Variants in FAT4 observed in about 807,000 individuals in gnomAD.
FAT4 encodes the protein FAT atypical cadherin 4.
A neutral mutation model predicts 303.9 loss-of-function variants in FAT4; 84 were observed. That is an observed-to-expected ratio of 0.28 (90% CI 0.23 to 0.33). FAT4 has a LOEUF of 0.33. Ranked by LOEUF, FAT4 falls within the 10% of genes least tolerant of loss-of-function variation. The pLI, the probability that FAT4 is intolerant of heterozygous loss-of-function variation, is 1.00. For synonymous variants in FAT4, 2,307 were observed against 2,298.8 expected (o/e 1.00, Z -0.10); for missense variants, 6,005 against 6,146.8 (o/e 0.98, Z 0.77).
intron 7 of FAT4, among the ~76,000 whole-genome samples, chr4:125,422,940 A>G (rs1250933018): frequency 6.6e-6 from 1 of 152,154 alleles, no homozygotes; most frequent in Non-Finnish European, 1.5e-5. Context: ...ACTTCTTGGA[A>G]ACTGGAGCAA....
rs1256469722 is a variant in FAT4, at chr4:125,319,441, T to G, written c.3030T>G (p.Pro1010=). 3 of 1,613,612 alleles carry G rather than the reference T, an allele frequency of 1.9e-6. No homozygotes were observed. Among genetic ancestry groups the G allele is most frequent in the African/African-American group, 1.3e-5 (1 of 74,940 alleles). Residue 1010 remains proline (P), a synonymous_variant, in exon 2 of 18, where the codon CCT becomes CCG. Transcript: ENST00000394329. ...SYEVTLSESE[P]VNSRFFKVQA... Reference sequence around the variant, plus strand: ...AAGTCACCCTTTCTGAGTCAGAACCTGTGAATTCTCGATTCTTTAAAGTAC... The same window carrying G: ...AAGTCACCCTTTCTGAGTCAGAACCGGTGAATTCTCGATTCTTTAAAGTAC...
chr4:125,459,905 G>A (rs1002311060), intron 10 of FAT4, among the ~76,000 whole-genome samples: 10 of 151,840 alleles, frequency 6.6e-5, no homozygotes, highest in African/African-American at 2.4e-4. Flanking sequence ...AGATAGACTT[G>A]CACAAAACAA....
rs187025161 is a variant in FAT4, at chr4:125,371,676, A to G, written c.5176-27108A>G. Among the ~76,000 whole-genome samples the G allele has an allele frequency of 4.2e-3, 629 of 151,530 alleles. 11 individuals carry two copies. The highest frequency in any genetic ancestry group is 2.7e-3 in the Non-Finnish European group (182 of 67,850). ...AAGTGGCTCTTTCATTGGAGTATCA[A>G]TTGTGGGGAGAGATTGAATATCCTC... On this transcript the variant is annotated intron_variant, in intron 2 of 17. Transcript: ENST00000394329.
intron 2 of FAT4, among the ~76,000 whole-genome samples, chr4:125,345,009 G>A (rs1731942593): frequency 6.6e-6 from 1 of 152,102 alleles, no homozygotes; most frequent in Admixed American, 6.6e-5. Context: ...GTTATTTGCA[G>A]ATTATTTCTG....
In FAT4 at chr4:125,490,320, C is replaced by A. The variant is rs766766148; in HGVS notation, c.13504C>A (p.Leu4502Met). The change falls in exon 18 of 18, where the codon CTG (leucine) becomes ATG (methionine). Residue 4502 changes from leucine (L) to methionine (M), a missense_variant. Transcript: ENST00000394329. The part of the protein sequence containing the change: ...VLSQGPEEIS[L>M]PLWAVPAIVG... ...GAGTCAGGGCCCTGAAGAGATCTCT[C>A]TGCCTTTGTGGGCTGTGCCTGCCAT... 9 of 1,614,046 alleles carry A rather than the reference C, an allele frequency of 5.6e-6. No homozygotes were observed. Among genetic ancestry groups the A allele is most frequent in the Non-Finnish European group, 6.8e-6 (8 of 1,180,044 alleles).
chr4:125,366,134 G>A (rs922207937), intron 2 of FAT4, among the ~76,000 whole-genome samples: 3 of 152,160 alleles, frequency 2.0e-5, no homozygotes, highest in African/African-American at 7.2e-5. Context: ...AAAGGTTGGG[G>A]ACTGCTGATA....
At chr4:125,355,855 T>C (rs974573442) in intron 2 of FAT4, among the ~76,000 whole-genome samples, 4 of 152,044 alleles carry the variant, frequency 2.6e-5, no homozygotes, top group African/African-American at 7.2e-5. Context: ...TATCTTTCTA[T>C]AGGGCCAGAA....
At chr4:125,478,952 ATCTGCCATCTCCCT>A (rs1364829019) in intron 14 of FAT4, among the ~76,000 whole-genome samples, 1 of 152,064 alleles carries the variant, frequency 6.6e-6, no homozygotes, top group African/African-American at 2.4e-5. Flanking sequence ...CATTTTTATG[ATCTGCCATCTCCCT>A]TCACTTCCTG....
chr4:125,367,344 A>G (rs1732924378), intron 2 of FAT4, among the ~76,000 whole-genome samples: 1 of 152,138 alleles, frequency 6.6e-6, no homozygotes, highest in South Asian at 2.1e-4. Context: ...ATTCTATGAA[A>G]CATCACATTT....
In FAT4 at chr4:125,319,819, G is replaced by A. The variant is rs763110095; in HGVS notation, c.3408G>A (p.Arg1136=). The stretch of plus-strand genomic sequence containing the variant: ...ACTTTGGGCCAAATGGAGAAGTAAG[G>A]TATTCTTTTGAAATGGTGCAGCCAG... ...DKDFGPNGEV[R]YSFEMVQPDF... is the part of the protein sequence containing the mutation. The change falls in exon 2 of 18, where the codon AGG becomes AGA. Residue 1136 remains arginine, a synonymous_variant. Coordinates refer to ENST00000394329, the MANE Select transcript of FAT4 (RefSeq NM_001291303.3). 5.6e-6 allele frequency: 9 copies of A among 1,614,070 alleles called. No individual in the cohort carries two copies. The highest frequency in any genetic ancestry group is 4.5e-5 in the East Asian group (2 of 44,890).
At chr4:125,367,475 T>G (rs753035568) in intron 2 of FAT4, among the ~76,000 whole-genome samples, 7 of 152,028 alleles carry the variant, frequency 4.6e-5, no homozygotes, top group Non-Finnish European at 7.4e-5. Context: ...TACACACTAA[T>G]CCAGGAAAGT....
At position 125,452,601 on chromosome 4, in the gene FAT4, A is replaced by C; in HGVS notation, c.11591A>C (p.Asp3864Ala). The C allele has an allele frequency of 1.2e-6, 2 of 1,614,146 alleles. No individual in the cohort carries two copies. Among genetic ancestry groups the C allele is most frequent in the Non-Finnish European group, 1.7e-6 (2 of 1,180,024 alleles). The change falls in exon 10 of 18, where the codon GAT becomes GCT. Residue 3864 changes from aspartate to alanine, a missense_variant. Physicochemically the swap from Asp to Ala is moderately radical, Grantham distance 126 (BLOSUM62 -2). Coordinates refer to ENST00000394329, the MANE Select transcript of FAT4 (RefSeq NM_001291303.3). ...PGYAGSWCEI[D>A]IDECLPSPCH... ...TATGCGGGTAGCTGGTGTGAAATAG[A>C]TATAGATGAATGTCTTCCATCACCT...
chr4:125,382,842 T>C (rs1314072629), intron 2 of FAT4, among the ~76,000 whole-genome samples: 1 of 152,238 alleles, frequency 6.6e-6, no homozygotes, highest in Non-Finnish European at 1.5e-5. Flanking sequence ...GGATATCTTC[T>C]TGCAGCTTGT....
At chr4:125,463,225 A>G (rs1726541217) in intron 10 of FAT4, among the ~76,000 whole-genome samples, 1 of 151,986 alleles carries the variant, frequency 6.6e-6, no homozygotes, top group East Asian at 1.9e-4. Flanking sequence ...TTCTATCTAT[A>G]AAATATAAAA....
chr4:125,331,817 T>G (rs1423874650), intron 2 of FAT4, among the ~76,000 whole-genome samples: 1 of 152,190 alleles, frequency 6.6e-6, no homozygotes, highest in Non-Finnish European at 1.5e-5. Flanking sequence ...TTGTTCAACA[T>G]TTCACATCAA....
intron 8 of FAT4, among the ~76,000 whole-genome samples, chr4:125,445,238 A>G (rs1725788064): frequency 6.6e-6 from 1 of 152,122 alleles, no homozygotes; most frequent in Non-Finnish European, 1.5e-5. Context: ...GGTCCTCAAC[A>G]GTTGATTATT....
chr4:125,475,549 G>A (rs906641629), intron 12 of FAT4, among the ~76,000 whole-genome samples: 1 of 151,990 alleles, frequency 6.6e-6, no homozygotes, highest in Non-Finnish European at 1.5e-5. Flanking sequence ...GTGATCTACA[G>A]TAATACATCC....
rs189731215 is a variant in FAT4, at chr4:125,470,210, A to G, written c.12213+1391A>G. ...ATTCAATAAACCATGCTGTAAACAGATGCACTGTCATCCAGGCATTTCTGT... is the reference window on the plus strand; with the variant it reads ...ATTCAATAAACCATGCTGTAAACAGGTGCACTGTCATCCAGGCATTTCTGT... On this transcript the variant is annotated intron_variant, in intron 12 of 17. Coordinates refer to ENST00000394329, the MANE Select transcript of FAT4 (RefSeq NM_001291303.3). 1.6e-3 allele frequency among the ~76,000 whole-genome samples: 251 copies of G among 152,320 alleles called. 2 individuals are homozygous for G. Among genetic ancestry groups the G allele is most frequent in the African/African-American group, 5.7e-3 (236 of 41,574 alleles).
chr4:125,348,405 G>A (rs182613184), intron 2 of FAT4, among the ~76,000 whole-genome samples: 54 of 151,776 alleles, frequency 3.6e-4, no homozygotes, highest in South Asian at 1.5e-3. Context: ...GAAAGTTGAA[G>A]GATCCTTTCT....
Sources: gnomAD v4.1 joint callset for allele counts (sites outside exome capture counted in the v4.1 genomes callset) on GRCh38, gnomAD v4.1.1 for gene constraint, MANE v1.5 for transcripts, NCBI Gene and HGNC (gene_info 2026-07-23, HGNC 2026-07-21) for gene names.